The following CCDC7 variants were observed in gnomAD, a reference collection of about 807,000 sequenced individuals.
The protein encoded by CCDC7 is coiled-coil domain-containing protein 7.
A neutral mutation model predicts 196.9 loss-of-function variants in CCDC7; 183 were observed. That is an observed-to-expected ratio of 0.93 (90% CI 0.82 to 1.05). The LOEUF is 1.05. Ranked by LOEUF, CCDC7 falls within the 50% of genes least tolerant of loss-of-function variation. CCDC7 has a pLI of 0.00. For missense variants in CCDC7, 1,540 were observed against 1,482.2 expected (o/e 1.04, Z -0.64); for synonymous variants, 525 against 484.6 (o/e 1.08, Z -1.10).
intron 29 of CCDC7, among the ~76,000 whole-genome samples, chr10:32,800,263 A>G (rs546828333): frequency 1.3e-5 from 2 of 152,232 alleles, no homozygotes; most frequent in Admixed American, 6.5e-5. Context: ...TATTATTTTG[A>G]TGTATGATAT....
At chr10:32,493,336 T>G (rs2134552688) in intron 9 of CCDC7, among the ~76,000 whole-genome samples, 1 of 151,474 alleles carries the variant, frequency 6.6e-6, no homozygotes, top group South Asian at 2.1e-4. Flanking sequence ...TGACAGGATT[T>G]CCTTCTTTTT....
intron 33 of CCDC7, among the ~76,000 whole-genome samples, chr10:32,837,441 A>T (rs2092690961): frequency 1.3e-5 from 2 of 152,146 alleles, no homozygotes; most frequent in African/African-American, 4.8e-5. Context: ...ACTGGAGAGG[A>T]TGTGGAGAAA....
chr10:32,729,238 C>T, intron 27 of CCDC7, 94 bp from the exon 29 acceptor site: 1 of 1,261,482 alleles, frequency 7.9e-7, no homozygotes, highest in South Asian at 1.5e-5. Flanking sequence ...AAACTATTCA[C>T]ATGATTTTCT....
At chr10:32,602,665 C>T (rs1035263476) in intron 18 of CCDC7, among the ~76,000 whole-genome samples, 1 of 152,018 alleles carries the variant, frequency 6.6e-6, no homozygotes, top group Non-Finnish European at 1.5e-5. Context: ...AATGATGTGA[C>T]CTTGGGAAAG....
intron 21 of CCDC7, among the ~76,000 whole-genome samples, chr10:32,665,156 GTTGA>G (rs1296208130): frequency 2.0e-5 from 3 of 151,850 alleles, no homozygotes; most frequent in South Asian, 2.1e-4. Context: ...TTTTATTTGC[GTTGA>G]TTGTTTTCTA....
At chr10:32,582,453 G>T (rs1413512901) in intron 16 of CCDC7, among the ~76,000 whole-genome samples, 1 of 151,942 alleles carries the variant, frequency 6.6e-6, no homozygotes, top group African/African-American at 2.4e-5. Context: ...AAACTAGAAT[G>T]TTGGGACAAC....
At chr10:32,735,002 A>G (rs541049170) in intron 28 of CCDC7, among the ~76,000 whole-genome samples, 1 of 152,202 alleles carries the variant, frequency 6.6e-6, no homozygotes, top group Non-Finnish European at 1.5e-5. Flanking sequence ...TTGTACAGCT[A>G]CATATGCTTT....
In CCDC7 at chr10:32,867,574, C is replaced by T. The variant is rs138107841; in HGVS notation, c.4112-8773C>T. Among the ~76,000 whole-genome samples the T allele has an allele frequency of 5.2e-4, 79 of 151,072 alleles. No individual in the cohort carries two copies. In the East Asian group the frequency reaches 0.013, roughly 25 times the overall value. ...AAAAGATTTTTAAAACCCTATTATA[C>T]AAAAAGCTTCTATGAAACAAAAAAG... On this transcript the variant is annotated intron_variant, in intron 41 of 41. Coordinates refer to ENST00000639629, the Ensembl canonical transcript of CCDC7.
chr10:32,463,766 CTGTGACTA>C (rs2036209115), intron 5 of CCDC7, among the ~76,000 whole-genome samples: 1 of 152,162 alleles, frequency 6.6e-6, no homozygotes, highest in Non-Finnish European at 1.5e-5. Flanking sequence ...AATGCATGAA[CTGTGACTA>C]TATCCTAGCA....
At chr10:32,486,438 T>G (rs2041106338) in intron 8 of CCDC7, among the ~76,000 whole-genome samples, 1 of 151,558 alleles carries the variant, frequency 6.6e-6, no homozygotes, top group Admixed American at 6.6e-5. Context: ...TGATGGGTCT[T>G]GAGTCTTTAT....
chr10:32,644,656 A>G (rs1591042647), intron 20 of CCDC7, among the ~76,000 whole-genome samples: 1 of 152,060 alleles, frequency 6.6e-6, no homozygotes, highest in East Asian at 1.9e-4. Flanking sequence ...CACGAGGGCG[A>G]TTTCCCCCAT....
chr10:32,791,071 C>T (rs1297512164), intron 29 of CCDC7, among the ~76,000 whole-genome samples: 5 of 152,130 alleles, frequency 3.3e-5, no homozygotes, highest in South Asian at 2.1e-4. Flanking sequence ...TACACAGCTA[C>T]TATCACTGCC....
intron 25 of CCDC7, among the ~76,000 whole-genome samples, chr10:32,721,631 G>T (rs893298525): frequency 6.6e-6 from 1 of 151,966 alleles, no homozygotes; most frequent in African/African-American, 2.4e-5. Context: ...GGATAGAGTG[G>T]GCCAAAGGCT....
chr10:32,621,056 G>A (rs1393957884), intron 18 of CCDC7, among the ~76,000 whole-genome samples: 10 of 152,026 alleles, frequency 6.6e-5, no homozygotes, highest in Admixed American at 2.0e-4. Context: ...TTAGTTTTCC[G>A]GGACAAAGCT....
chr10:32,808,271 G>C (rs1403082591), intron 30 of CCDC7, among the ~76,000 whole-genome samples: 2 of 152,104 alleles, frequency 1.3e-5, no homozygotes, highest in African/African-American at 4.8e-5. Flanking sequence ...GGGGCCAGGG[G>C]ATTACCTTGC....
intron 18 of CCDC7, among the ~76,000 whole-genome samples, chr10:32,597,796 C>A (rs2060556946): frequency 6.6e-6 from 1 of 152,324 alleles, no homozygotes; most frequent in East Asian, 1.9e-4. Context: ...CACGCCAGAC[C>A]CTGTTTGCCT....
intron 25 of CCDC7, among the ~76,000 whole-genome samples, chr10:32,712,522 G>T (rs368403924): frequency 6.6e-5 from 10 of 152,276 alleles, no homozygotes; most frequent in African/African-American, 2.4e-4. Context: ...AGCTCACTAG[G>T]ATGATTTCAT....
chr10:32,455,766 C>A (rs760021821), intron 2 of CCDC7, among the ~76,000 whole-genome samples: 6 of 152,166 alleles, frequency 3.9e-5, no homozygotes, highest in Non-Finnish European at 7.3e-5. Context: ...GGGATTTGAT[C>A]GTTATGACAT....
intron 11 of CCDC7, among the ~76,000 whole-genome samples, chr10:32,523,991 T>C (rs1406707642): frequency 6.6e-6 from 1 of 152,084 alleles, no homozygotes; most frequent in Non-Finnish European, 1.5e-5. Context: ...AGTGTTATTA[T>C]TCATAAGTAG....
Sources: allele counts gnomAD v4.1 joint callset (sites outside exome capture counted in the v4.1 genomes callset), GRCh38; gene constraint gnomAD v4.1.1; transcripts MANE v1.5; gene names NCBI Gene and HGNC (gene_info 2026-07-23, HGNC 2026-07-21).